MACROD2: variants seen among roughly 807,000 people sequenced by gnomAD.
The protein encoded by MACROD2 is mono-ADP ribosylhydrolase 2.
MACROD2 carries 36 observed loss-of-function variants against 70.4 expected under a neutral mutation model. The observed-to-expected ratio is 0.51, with a 90% CI of 0.39 to 0.68. MACROD2 has a LOEUF of 0.68. Among genes scored for constraint, MACROD2 ranks in the 30% least tolerant of loss-of-function variants. The pLI, the probability that MACROD2 is intolerant of heterozygous loss-of-function variation, is 0.00. For synonymous variants in MACROD2, 172 were observed against 178.8 expected (o/e 0.96, Z 0.30); for missense variants, 496 against 538.4 (o/e 0.92, Z 0.78).
At chr20:15,381,780 T>A (rs1220089164) in intron 6 of MACROD2, among the ~76,000 whole-genome samples, 1 of 152,126 alleles carries the variant, frequency 6.6e-6, no homozygotes, top group Non-Finnish European at 1.5e-5. Context: ...GCAAAGTTTG[T>A]GTTAGTGTTT....
At chr20:15,992,826 A>G (rs1421667328) in intron 15 of MACROD2, among the ~76,000 whole-genome samples, 4 of 152,222 alleles carry the variant, frequency 2.6e-5, no homozygotes, top group Non-Finnish European at 5.9e-5. Flanking sequence ...GATGACTCAC[A>G]TAAGTGGAAT....
intron 8 of MACROD2, among the ~76,000 whole-genome samples, chr20:15,654,030 C>T (rs886910630): frequency 3.9e-5 from 6 of 152,116 alleles, no homozygotes; most frequent in African/African-American, 1.4e-4. Context: ...CATCCCATTC[C>T]AGCCCTATTC....
Position 15,322,337 on chromosome 20 carries a change from T to A in MACROD2, c.540+92276T>A, listed in dbSNP as rs2077882455. On this transcript the variant is annotated intron_variant, in intron 6 of 17. Transcript: ENST00000684519. The stretch of plus-strand genomic sequence containing the variant: ...GAATGCCTGGGTGGGACGGGGATAT[T>A]TACCATGCACTCACTATGCTCCTCT... 3.5e-5 allele frequency among the ~76,000 whole-genome samples: 5 copies of A among 143,722 alleles called. 1 individual carries two copies. In the South Asian group the frequency reaches 1.2e-3, roughly 33 times the overall value. The allele number at this position is 143,722 out of a possible 152,430, so 94.3% of individuals were successfully genotyped here.
chr20:15,530,763 G>T (rs550301908), intron 8 of MACROD2, among the ~76,000 whole-genome samples: 2 of 148,388 alleles, frequency 1.3e-5, no homozygotes, highest in Non-Finnish European at 3.0e-5. Flanking sequence ...TACTTTCCAT[G>T]TACGCGTATA....
intron 4 of MACROD2, among the ~76,000 whole-genome samples, chr20:14,577,165 C>T (rs1164185461): frequency 6.6e-6 from 1 of 152,060 alleles, no homozygotes; most frequent in Admixed American, 6.5e-5. Context: ...AAATCTAAGG[C>T]CACTGGATGG....
At chr20:14,098,593 G>A (rs148415672) in intron 3 of MACROD2, among the ~76,000 whole-genome samples, 3 of 152,160 alleles carry the variant, frequency 2.0e-5, no homozygotes, top group African/African-American at 7.2e-5. Flanking sequence ...AGGATGAAAG[G>A]AATTGTACTT....
intron 2 of MACROD2, among the ~76,000 whole-genome samples, chr20:14,072,896 T>A (rs2053866536): frequency 6.8e-6 from 1 of 146,564 alleles, no homozygotes; most frequent in South Asian, 2.2e-4. Flanking sequence ...ATCGCATCAC[T>A]GCACTCCAGC....
intron 8 of MACROD2, among the ~76,000 whole-genome samples, chr20:15,590,477 C>A (rs1339382672): frequency 6.6e-6 from 1 of 152,168 alleles, no homozygotes; most frequent in African/African-American, 2.4e-5. Flanking sequence ...CTGGCCATTT[C>A]TTTTACCATA....
At chr20:14,374,021 A>C (rs1165384512) in intron 3 of MACROD2, among the ~76,000 whole-genome samples, 1 of 152,144 alleles carries the variant, frequency 6.6e-6, no homozygotes, top group African/African-American at 2.4e-5. Context: ...CTCTAACATT[A>C]AAATGGTAAT....
intron 8 of MACROD2, among the ~76,000 whole-genome samples, chr20:15,689,093 C>A (rs1305903187): frequency 6.6e-6 from 1 of 152,206 alleles, no homozygotes; most frequent in Non-Finnish European, 1.5e-5. Context: ...CACCGGAGGT[C>A]AGGAGTTCGA....
chr20:15,615,124 G>A (rs1254365813), intron 8 of MACROD2, among the ~76,000 whole-genome samples: 1 of 152,054 alleles, frequency 6.6e-6, no homozygotes, highest in East Asian at 1.9e-4. Context: ...CTGAGGAGAC[G>A]ACAGCACCCA....
intron 15 of MACROD2, among the ~76,000 whole-genome samples, chr20:16,040,735 AAAC>A (rs368911705): frequency 1.4e-4 from 21 of 152,110 alleles, no homozygotes; most frequent in Admixed American, 1.0e-3. Context: ...TTTAAAAAAC[AAAC>A]AACAACAACA....
chr20:14,519,923 A>T (rs2085146027), intron 4 of MACROD2, among the ~76,000 whole-genome samples: 1 of 152,112 alleles, frequency 6.6e-6, no homozygotes, highest in Non-Finnish European at 1.5e-5. Flanking sequence ...AGAAATACGG[A>T]TGGAGTTGGA....
intron 3 of MACROD2, among the ~76,000 whole-genome samples, chr20:14,291,255 T>G (rs1476494110): frequency 6.6e-6 from 1 of 152,166 alleles, no homozygotes; most frequent in Non-Finnish European, 1.5e-5. Flanking sequence ...TTAGTAGAGA[T>G]TATGTGAATT....
chr20:14,895,514 G>A (rs1434148088), intron 5 of MACROD2: 1 of 152,062 alleles, frequency 6.6e-6, no homozygotes, highest in Non-Finnish European at 1.5e-5. Context: ...AAAATGTAGG[G>A]GTAGATGGCT....
At chr20:14,256,876 T>A (rs1383621457) in intron 3 of MACROD2, among the ~76,000 whole-genome samples, 1 of 152,176 alleles carries the variant, frequency 6.6e-6, no homozygotes, top group Non-Finnish European at 1.5e-5. Context: ...GCTTTGGTAT[T>A]TCTCTGATGG....
chr20:14,213,216 A>G (rs1010038129), intron 3 of MACROD2, among the ~76,000 whole-genome samples: 4 of 151,714 alleles, frequency 2.6e-5, no homozygotes, highest in Admixed American at 1.3e-4. Context: ...TATTTTTAAA[A>G]CTCACTATAG....
intron 5 of MACROD2, among the ~76,000 whole-genome samples, chr20:14,761,708 T>C (rs1480741626): frequency 6.6e-6 from 1 of 152,072 alleles, no homozygotes; most frequent in Non-Finnish European, 1.5e-5. Flanking sequence ...AGGCCACCAA[T>C]CTGAAATGCA....
rs982662879 is a variant in MACROD2, at chr20:14,134,339, CCACA to C, written c.271+48614_271+48617del. On this transcript the variant is annotated intron_variant, in intron 3 of 17. Transcript: ENST00000684519. ...ACTCTGAAAACTGACTTTATACCTA[CCACA>C]CAGTTTGGAAATTGTTAAAAAGGTT... is the stretch of plus-strand genomic sequence containing the variant. 2.0e-4 allele frequency among the ~76,000 whole-genome samples: 30 copies of C among 152,168 alleles called. 1 individual carries two copies. Among genetic ancestry groups the C allele is most frequent in the African/African-American group, 6.8e-4 (28 of 41,428 alleles).
Sources: allele counts gnomAD v4.1 joint callset (sites outside exome capture counted in the v4.1 genomes callset), GRCh38; gene constraint gnomAD v4.1.1; transcripts MANE v1.5; gene names NCBI Gene and HGNC (gene_info 2026-07-23, HGNC 2026-07-21).